AMN1: variants seen among roughly 807,000 people sequenced by gnomAD.
AMN1 encodes the protein protein AMN1 homolog.
AMN1 carries 20 observed loss-of-function variants against 33.0 expected under a neutral mutation model. That is an observed-to-expected ratio of 0.61 (90% confidence interval 0.43 to 0.88). The LOEUF (loss-of-function observed/expected upper bound fraction) is 0.88. Ranked by LOEUF, AMN1 falls within the 40% of genes least tolerant of loss-of-function variation. AMN1 has a pLI of 0.00. For missense variants in AMN1, 246 were observed against 307.4 expected, an observed-to-expected ratio of 0.80 and a Z score of 1.49; for synonymous variants, 114 against 111.9, an observed-to-expected ratio of 1.02 and a Z score of -0.12.
In AMN1 at chr12:31,709,463, C is replaced by T. The variant is rs938027476; in HGVS notation, c.39-38G>A. ...TACAATATAGTAAATCACACTGGGC[C>T]TGTACTGATTCCTAACACTTGTCTT... is the stretch of plus-strand genomic sequence containing the variant. On this transcript the variant is annotated intron_variant, in intron 1 of 6. Coordinates refer to ENST00000281471, the MANE Select transcript of AMN1 (RefSeq NM_001113402.2). 3.2e-6 allele frequency: 5 copies of T among 1,576,794 alleles called. No individual in the cohort carries two copies. The African/African-American group carries it at 5.4e-5, about 17-fold the overall frequency.
At chr12:31,716,034 A>C (rs12231666) in intron 1 of AMN1, among the ~76,000 whole-genome samples, 15,311 of 152,228 alleles carry the variant, frequency 0.1, 1,107 homozygotes, top group East Asian at 0.27. Context: ...ATCATTAAGT[A>C]ATGTCTCTCT....
chr12:31,695,553 C>T (rs1229387857), intron 5 of AMN1, among the ~76,000 whole-genome samples: 1 of 149,036 alleles, frequency 6.7e-6, no homozygotes, highest in Admixed American at 6.8e-5. Context: ...AGCGCAGTCT[C>T]GGCTCACTGC....
At chr12:31,695,373 G>T (rs924923814) in intron 5 of AMN1, among the ~76,000 whole-genome samples, 2 of 151,956 alleles carry the variant, frequency 1.3e-5, no homozygotes, top group African/African-American at 4.8e-5. Flanking sequence ...AACAGTAAGT[G>T]CTCGACAAAT....
chr12:31,715,227 C>T (rs79989271), intron 1 of AMN1: 6,313 of 154,298 alleles, frequency 0.041, 159 homozygotes, highest in South Asian at 0.063. Context: ...CCTATCTAGT[C>T]CTACATCAGC....
At chr12:31,707,470 G>A (rs1939290495) in intron 2 of AMN1, among the ~76,000 whole-genome samples, 1 of 152,194 alleles carries the variant, frequency 6.6e-6, no homozygotes, top group African/African-American at 2.4e-5. Context: ...TGCTGCAGAT[G>A]AAATTGCTGC....
chr12:31,697,721 T>C lies in AMN1; in HGVS notation c.534+19A>G. On this transcript the variant is annotated intron_variant, in intron 4 of 6. Coordinates refer to ENST00000281471, the MANE Select transcript of AMN1 (RefSeq NM_001113402.2). ...GGTAAACACATAGTCTATATGTTTG[T>C]AGCCTATATGTCATTTACCTGAGTA... The C allele has an allele frequency of 1.2e-6, 2 of 1,604,144 alleles. No homozygotes were observed. Among genetic ancestry groups the C allele is most frequent in the Non-Finnish European group, 1.7e-6 (2 of 1,171,040 alleles).
chr12:31,680,349 C>A (rs950535784), intron 6 of AMN1, among the ~76,000 whole-genome samples: 1 of 151,690 alleles, frequency 6.6e-6, no homozygotes, highest in African/African-American at 2.4e-5. Context: ...TATAGGCACC[C>A]GTCACCACGC....
intron 1 of AMN1, among the ~76,000 whole-genome samples, chr12:31,716,395 C>G (rs568565998): frequency 6.6e-6 from 1 of 152,080 alleles, no homozygotes; most frequent in South Asian, 2.1e-4. Flanking sequence ...ACTGCTGGCT[C>G]ATAGGGTAGG....
At chr12:31,684,627 T>A (rs1010326085) in intron 6 of AMN1, among the ~76,000 whole-genome samples, 4 of 151,950 alleles carry the variant, frequency 2.6e-5, no homozygotes, top group African/African-American at 9.7e-5. Flanking sequence ...CCCGCCACCA[T>A]GCCCGGCTAA....
At chr12:31,674,371 G>A (rs946614637) in intron 6 of AMN1, among the ~76,000 whole-genome samples, 44 of 151,096 alleles carry the variant, frequency 2.9e-4, no homozygotes, top group Non-Finnish European at 2.8e-4. Context: ...CCATGCCATC[G>A]TACTCTTGCC....
At chr12:31,716,108 T>C (rs1321955102) in intron 1 of AMN1, among the ~76,000 whole-genome samples, 6 of 152,228 alleles carry the variant, frequency 3.9e-5, no homozygotes, top group African/African-American at 9.6e-5. Flanking sequence ...TGCTCCATCA[T>C]TTTTCCATGG....
intron 6 of AMN1, among the ~76,000 whole-genome samples, chr12:31,686,577 C>G (rs963163975): frequency 6.6e-6 from 1 of 152,202 alleles, no homozygotes; most frequent in Non-Finnish European, 1.5e-5. Flanking sequence ...ATATACCTAA[C>G]TTACTGAACA....
chr12:31,696,742 C>T (rs985447003), intron 5 of AMN1, among the ~76,000 whole-genome samples: 1 of 151,958 alleles, frequency 6.6e-6, no homozygotes, highest in Admixed American at 6.6e-5. Flanking sequence ...GCCTGGCCAA[C>T]ACGGTGAAAC....
rs1938108485 is a variant in AMN1, at chr12:31,683,207, C to T, written c.703+5800G>A. Among the ~76,000 whole-genome samples the T allele has an allele frequency of 2.6e-5, 4 of 152,182 alleles. No homozygotes were observed. The South Asian group carries it at 8.3e-4, about 32-fold the overall frequency. On this transcript the variant is annotated intron_variant, in intron 6 of 6. Transcript: ENST00000281471. The surrounding 1 kb of genome is among the most constrained non-coding windows in gnomAD (Gnocchi z 4.1). ...CAAACTCCTAATCTCAAGTGATCTG[C>T]CTGCCTTGGCCTCCCAAAGTGCAGG... is the stretch of plus-strand genomic sequence containing the variant.
chr12:31,713,426 A>G (rs1227495482), intron 1 of AMN1, among the ~76,000 whole-genome samples: 1 of 152,174 alleles, frequency 6.6e-6, no homozygotes, highest in Non-Finnish European at 1.5e-5. Context: ...TTGTTGTTTT[A>G]TAATAAAAAA....
At chr12:31,708,296 ACT>A (rs1266800459) in intron 2 of AMN1, among the ~76,000 whole-genome samples, 1 of 151,960 alleles carries the variant, frequency 6.6e-6, no homozygotes, top group Non-Finnish European at 1.5e-5. Flanking sequence ...ATAAATGGCC[ACT>A]CTGGGAGTGT....
rs1005299812 is a variant in AMN1 at position 31,700,667 on chromosome 12, GT to G, written c.316+1195del. Among the ~76,000 whole-genome samples, 335 of 146,926 alleles carry G rather than the reference GT, an allele frequency of 2.3e-3. 2 individuals are homozygous for G. The highest frequency in any genetic ancestry group is 6.9e-3 in the African/African-American group (279 of 40,164). ...ATACAGACGTATGTATCCATGTTTT[GT>G]TTTTTTTTTAGTTTTAATTTTAATT... On this transcript the variant is annotated intron_variant, in intron 3 of 6. Transcript: ENST00000281471.
intron 6 of AMN1, among the ~76,000 whole-genome samples, chr12:31,688,598 AG>A (rs1415365090): frequency 1.3e-5 from 2 of 148,442 alleles, no homozygotes; most frequent in Admixed American, 1.4e-4. Context: ...GCCTGAGCTC[AG>A]GAGTTAGAGA....
At chr12:31,724,041 T>A (rs559553368) in intron 1 of AMN1, among the ~76,000 whole-genome samples, 2 of 152,280 alleles carry the variant, frequency 1.3e-5, no homozygotes, top group South Asian at 4.1e-4. Flanking sequence ...ATATAGCAGA[T>A]CCCCTTTATC....
Sources: allele counts gnomAD v4.1 joint callset (sites outside exome capture counted in the v4.1 genomes callset), GRCh38; gene constraint gnomAD v4.1.1; non-coding constraint Gnocchi (gnomAD v3.1); transcripts MANE v1.5; gene names NCBI Gene and HGNC (gene_info 2026-07-23, HGNC 2026-07-21).